The following PROM2 variants were observed in gnomAD, a reference collection of about 807,000 sequenced individuals.
PROM2 encodes prominin 2.
In PROM2, 90 loss-of-function variants were observed where a neutral mutation model predicts 110.2. The ratio of observed to expected loss-of-function variants is 0.82; its 90% CI spans 0.69 to 0.97. The LOEUF (loss-of-function observed/expected upper bound fraction) is 0.97. Ranked by LOEUF, PROM2 falls within the 50% of genes least tolerant of loss-of-function variation. PROM2 has a pLI of 0.00. For missense variants in PROM2, 1,009 were observed against 1,074.8 expected, an observed-to-expected ratio of 0.94 and a Z score of 0.86; for synonymous variants, 470 against 467.8, an observed-to-expected ratio of 1.00 and a Z score of -0.06.
chr2:95,288,678 G>C, intron 22 of PROM2, 89 bp downstream of exon 22: 2 of 1,156,364 alleles, frequency 1.7e-6, no homozygotes, highest in Non-Finnish European at 2.5e-6. Flanking sequence ...CCCCTCCTGA[G>C]ACCTCCCAGG....
At chr2:95,286,356 A>C in intron 16 of PROM2, 123 bp from the exon 17 acceptor site, 1 of 739,814 alleles carries the variant, frequency 1.4e-6, no homozygotes, top group Non-Finnish European at 2.3e-6. Flanking sequence ...GAGCTTAAGG[A>C]GGCCTCAGTT....
rs759914106 is a variant in PROM2 at position 95,276,150 on chromosome 2, G to T, written c.497+18G>T. 3.7e-6 allele frequency: 6 copies of T among 1,612,114 alleles called. No individual in the cohort carries two copies. The South Asian group carries it at 6.6e-5, about 18-fold the overall frequency. ...TTGCTGCTGTAAGGCGCTGCCCAGG[G>T]CCCGGGTAGGGCGGGCTGTGGCCCC... On this transcript the variant is annotated intron_variant, in intron 3 of 23. Coordinates refer to ENST00000317620, the MANE Select transcript of PROM2 (RefSeq NM_001165978.3). This position sits in a 1 kb window ranked among gnomAD's most constrained non-coding sequence, Gnocchi z 4.6.
At chr2:95,289,036 C>G (rs749235094) in intron 23 of PROM2, 30 bp downstream of exon 23, 5 of 1,566,474 alleles carry the variant, frequency 3.2e-6, no homozygotes, top group African/African-American at 2.7e-5. Flanking sequence ...CTTAATTGCT[C>G]CCTGCCAGGG....
In PROM2 at chr2:95,276,274, A is replaced by T. The variant is rs199674754; in HGVS notation, c.545A>T (p.Gln182Leu). ...AFVTNQRTHE[Q>L]MGPSIEAMPE... ...GTCACCAACCAGCGCACGCATGAACAGATGGGCCCCAGCATCGAGGCCATG... is the reference window on the plus strand; with the variant it reads ...GTCACCAACCAGCGCACGCATGAACTGATGGGCCCCAGCATCGAGGCCATG... The change falls in exon 4 of 24, where the codon CAG becomes CTG. Residue 182 changes from glutamine (Q) to leucine (L), a missense_variant. By Grantham distance (113) the Gln-to-Leu change is moderately radical (BLOSUM62 -2). Coordinates refer to ENST00000317620, the MANE Select transcript of PROM2 (RefSeq NM_001165978.3). This position sits in a 1 kb window ranked among gnomAD's most constrained non-coding sequence, Gnocchi z 4.6. The T allele has an allele frequency of 2.7e-5, 43 of 1,613,818 alleles. No homozygotes were observed. The highest frequency in any genetic ancestry group is 3.1e-5 in the Non-Finnish European group (36 of 1,180,046).
At chr2:95,283,856 G>A (rs951505741) in intron 14 of PROM2, among the ~76,000 whole-genome samples, 1 of 152,130 alleles carries the variant, frequency 6.6e-6, no homozygotes, top group Non-Finnish European at 1.5e-5. Flanking sequence ...GTGACCCTCC[G>A]AGTTAGATGC....
At position 95,277,429 on chromosome 2, in the gene PROM2, C is replaced by A. The variant is rs1387462001; in HGVS notation, c.838C>A (p.Gln280Lys). Residue 280 changes from glutamine to lysine, a missense_variant, in exon 7 of 24, where the codon CAG (glutamine) becomes AAG (lysine). Gln to Lys is a moderately conservative substitution (Grantham distance 53, BLOSUM62 1). Transcript: ENST00000317620. ...TACAGTGGTAGAGCTGCAGGCCGGG[C>A]AGCAGGACCTGGAGCCAGCCATCCG... ...NATVVELQAG[Q>K]QDLEPAIREH... is the part of the protein sequence containing the mutation. 1.9e-6 allele frequency: 3 copies of A among 1,613,206 alleles called. No individual in the cohort carries two copies. In the African/African-American group the frequency reaches 4.0e-5, roughly 22 times the overall value.
At position 95,274,785 on chromosome 2, in the gene PROM2, T is replaced by G. The variant is rs775936462; in HGVS notation, c.200T>G (p.Val67Gly). ...CTCCTGGACTCCCTCTATGGCACCG[T>G]GCGCCGCTTCCTCTCGGTGGTGCAG... Reference protein sequence around the residue: ...PGLLDSLYGTVRRFLSVVQLN... With the variant: ...PGLLDSLYGTGRRFLSVVQLN... The change falls in exon 1 of 24, where the codon GTG becomes GGG. Residue 67 changes from valine (V) to glycine (G), a missense_variant. By Grantham distance (109) the Val-to-Gly change is moderately radical. Transcript: ENST00000317620. 6.2e-7 allele frequency: 1 copy of G among 1,606,750 alleles called. No homozygotes were observed. Among genetic ancestry groups the G allele is most frequent in the Non-Finnish European group, 8.5e-7 (1 of 1,177,336 alleles).
At position 95,276,151 on chromosome 2, in the gene PROM2, C is replaced by T. The variant is rs1177746268; in HGVS notation, c.497+19C>T. On this transcript the variant is annotated intron_variant, in intron 3 of 23. Coordinates refer to ENST00000317620, the MANE Select transcript of PROM2 (RefSeq NM_001165978.3). This position sits in a 1 kb window ranked among gnomAD's most constrained non-coding sequence, Gnocchi z 4.6. ...TGCTGCTGTAAGGCGCTGCCCAGGGCCCGGGTAGGGCGGGCTGTGGCCCCC... is the reference window on the plus strand; with the variant it reads ...TGCTGCTGTAAGGCGCTGCCCAGGGTCCGGGTAGGGCGGGCTGTGGCCCCC... 1.2e-6 allele frequency: 2 copies of T among 1,612,110 alleles called. No individual in the cohort carries two copies. Among genetic ancestry groups the T allele is most frequent in the Non-Finnish European group, 1.7e-6 (2 of 1,179,050 alleles).
Position 95,275,534 on chromosome 2 carries a change from T to G in PROM2, c.294+24T>G. On this transcript the variant is annotated intron_variant, in intron 2 of 23. Coordinates refer to ENST00000317620, the MANE Select transcript of PROM2 (RefSeq NM_001165978.3). This position sits in a 1 kb window ranked among gnomAD's most constrained non-coding sequence, Gnocchi z 4.4. ...AGGTGAGCAAGCTGGGGAAAGGTGC[T>G]GGGGGAGGGAGTTCTGGGGTGAGCA... 1 of 1,613,136 alleles carries G rather than the reference T, an allele frequency of 6.2e-7. No homozygotes were observed. Among genetic ancestry groups the G allele is most frequent in the Non-Finnish European group, 8.5e-7 (1 of 1,179,502 alleles).
Position 95,288,222 on chromosome 2 carries a change from CA to C in PROM2, c.2257del (p.Ile753LeufsTer16). On this transcript the variant is annotated frameshift_variant, in exon 21 of 24. Transcript: ENST00000317620. LOFTEE classifies it high-confidence loss of function. ...TGTTGGCGCCACAGGTGACTCAGCG[CA>C]TTGCCACCTGCCAGCCCCTCTCCGG... ...AWVREEVTQRIATCQPLSGAL... is the reference protein window; with the variant it reads ...AWVREEVTQRXATCQPLSGAL... The C allele has an allele frequency of 1.9e-6, 3 of 1,613,872 alleles. No individual in the cohort carries two copies. Among genetic ancestry groups the C allele is most frequent in the Non-Finnish European group, 2.5e-6 (3 of 1,180,040 alleles).
Position 95,276,624 on chromosome 2 carries a change from C to G in PROM2, c.649C>G (p.Leu217Val). 1 of 1,613,546 alleles carries G rather than the reference C, an allele frequency of 6.2e-7. No individual in the cohort carries two copies. Among genetic ancestry groups the G allele is most frequent in the Non-Finnish European group, 8.5e-7 (1 of 1,180,026 alleles). ...GCAGGCCGTGGCACAGCAATTCTCC[C>G]TGCCCCAGGAGCAAGTCTCAGAGGA... ...ELQAVAQQFS[L>V]PQEQVSEELD... Residue 217 changes from leucine to valine, a missense_variant, in exon 5 of 24, where the codon CTG becomes GTG. Transcript: ENST00000317620. This position sits in a 1 kb window ranked among gnomAD's most constrained non-coding sequence, Gnocchi z 4.6.
At position 95,276,745 on chromosome 2, in the gene PROM2, C is replaced by A; in HGVS notation, c.682+88C>A. 1 of 1,432,154 alleles carries A rather than the reference C, an allele frequency of 7.0e-7. No homozygotes were observed. Among genetic ancestry groups the A allele is most frequent in the South Asian group, 1.2e-5 (1 of 85,186 alleles). 88.7% of individuals were successfully genotyped at this position (1,432,154 alleles called of 1,614,324 possible). A position where few individuals can be genotyped will look rare whatever the true frequency, so the allele number is the denominator to read the frequency against. On this transcript the variant is annotated intron_variant, in intron 5 of 23. Coordinates refer to ENST00000317620, the MANE Select transcript of PROM2 (RefSeq NM_001165978.3). The surrounding 1 kb of genome is among the most constrained non-coding windows in gnomAD (Gnocchi z 4.6). ...GGTGGGGGCCTCTCACTCCCTCATT[C>A]TGGACACCCCCGGGAACAGGCTGGT...
intron 14 of PROM2, among the ~76,000 whole-genome samples, chr2:95,283,499 G>C (rs1677164969): frequency 6.6e-6 from 1 of 152,208 alleles, no homozygotes; most frequent in Admixed American, 6.5e-5. Context: ...CACTTCTCCT[G>C]AAGCTGCTGC....
Position 95,287,210 on chromosome 2 carries a change from G to A in PROM2, c.2172G>A (p.Arg724=), listed in dbSNP as rs1363619980. The A allele has an allele frequency of 6.2e-7, 1 of 1,613,614 alleles. No individual in the cohort carries two copies. Among genetic ancestry groups the A allele is most frequent in the African/African-American group, 1.3e-5 (1 of 74,912 alleles). Residue 724 remains arginine (R), a synonymous_variant, in exon 19 of 24, where the codon AGG becomes AGA. Transcript: ENST00000317620. The part of the protein sequence containing the change: ...ELPAWAARIL[R]NVSECFLARE... ...CTGCCTGGGCAGCCAGGATCCTGAG[G>A]AATGTGAGTGGTGGGTGGGACAGGG...
chr2:95,275,344 C>A lies in PROM2; in HGVS notation c.245-117C>A. ...GTGATGCAGCCTTCTGCGAGGGTGCCATGGTGGTGGCAGGAGCCCTGCCTC... is the reference window on the plus strand; with the variant it reads ...GTGATGCAGCCTTCTGCGAGGGTGCAATGGTGGTGGCAGGAGCCCTGCCTC... On this transcript the variant is annotated intron_variant, in intron 1 of 23. Transcript: ENST00000317620. The surrounding 1 kb of genome is among the most constrained non-coding windows in gnomAD (Gnocchi z 4.4). 1 of 932,804 alleles carries A rather than the reference C, an allele frequency of 1.1e-6. No homozygotes were observed. The highest frequency in any genetic ancestry group is 1.7e-6 in the Non-Finnish European group (1 of 604,842). The allele number at this position is 932,804 out of a possible 1,614,324, so 57.8% of individuals were successfully genotyped here.
Position 95,279,101 on chromosome 2 carries a change from A to C in PROM2, c.1231A>C (p.Ser411Arg), listed in dbSNP as rs747780958. 1 of 1,400,814 alleles carries C rather than the reference A, an allele frequency of 7.1e-7. No homozygotes were observed. The highest frequency in any genetic ancestry group is 2.2e-4 in the Middle Eastern group (1 of 4,490). The allele number at this position is 1,400,814 out of a possible 1,614,324, so 86.8% of individuals were successfully genotyped here. A position where few individuals can be genotyped will look rare whatever the true frequency, so the allele number is the denominator to read the frequency against. The change falls in exon 10 of 24, where the codon AGC becomes CGC. Residue 411 changes from serine to arginine, a missense_variant. By Grantham distance (110) the Ser-to-Arg change is moderately radical. Transcript: ENST00000317620. ...AQALQEVEES[S>R]RPYLQEVQRY... ...GGCACTGCAGGAGGTGGAGGAGAGC[A>C]GCCGCCCCTACCTGCAGGAGGTGCA...
At chr2:95,288,397 G>T in intron 21 of PROM2, 86 bp from the exon 22 acceptor site, 1 of 1,583,498 alleles carries the variant, frequency 6.3e-7, no homozygotes, top group South Asian at 1.1e-5. Context: ...GCCAGGCATG[G>T]CCTCTGCCCC....
rs1677575299 is a variant in PROM2 at position 95,289,547 on chromosome 2, C to T, written c.*334C>T. 1 of 153,618 alleles carries T rather than the reference C, an allele frequency of 6.5e-6. No homozygotes were observed. The highest frequency in any genetic ancestry group is 2.4e-5 in the African/African-American group (1 of 41,236). The allele number at this position is 153,618 out of a possible 1,614,324, so 9.5% of individuals were successfully genotyped here. On this transcript the variant is annotated 3_prime_UTR_variant, in exon 24 of 24. Coordinates refer to ENST00000317620, the MANE Select transcript of PROM2 (RefSeq NM_001165978.3). ...CTGGAGCCTGGACCCTGGGGTGGGA[C>T]AGAGGCCTCGTCCAACCCCACTCCC...
rs769129555 is a variant in PROM2, at chr2:95,289,035, T to A, written c.*10+29T>A. ...AGTTTTCCCCAACTCGCTTAATTGCTCCCTGCCAGGGATTAAGGGAGTGGG... is the reference window on the plus strand; with the variant it reads ...AGTTTTCCCCAACTCGCTTAATTGCACCCTGCCAGGGATTAAGGGAGTGGG... On this transcript the variant is annotated intron_variant, in intron 23 of 23. Transcript: ENST00000317620. 4 of 1,013,012 alleles carry A rather than the reference T, an allele frequency of 3.9e-6. No homozygotes were observed. In the East Asian group the frequency reaches 1.0e-4, roughly 26 times the overall value. The allele number at this position is 1,013,012 out of a possible 1,614,324, so 62.8% of individuals were successfully genotyped here. A position where few individuals can be genotyped will look rare whatever the true frequency, so the allele number is the denominator to read the frequency against.
Sources: gnomAD v4.1 joint callset for allele counts (sites outside exome capture counted in the v4.1 genomes callset) on GRCh38, gnomAD v4.1.1 for gene constraint, Gnocchi (gnomAD v3.1) non-coding constraint, MANE v1.5 for transcripts, NCBI Gene and HGNC (gene_info 2026-07-23, HGNC 2026-07-21) for gene names.